The following PIKFYVE variants were observed in gnomAD, a reference collection of about 807,000 sequenced individuals.
The protein encoded by PIKFYVE is phosphoinositide kinase, FYVE-type zinc finger containing.
PIKFYVE carries 122 observed loss-of-function variants against 257.9 expected under a neutral mutation model. The observed-to-expected ratio is 0.47, with a 90% CI of 0.41 to 0.55. The LOEUF is 0.55. Among genes scored for constraint, PIKFYVE ranks in the 20% least tolerant of loss-of-function variants. PIKFYVE has a pLI of 0.00. For missense variants in PIKFYVE, 2,160 were observed against 2,536.6 expected (o/e 0.85, Z 3.19); for synonymous variants, 892 against 868.9 (o/e 1.03, Z -0.47).
chr2:208,330,137 A>G (rs1423234108), intron 22 of PIKFYVE, among the ~76,000 whole-genome samples: 2 of 152,110 alleles, frequency 1.3e-5, no homozygotes, highest in African/African-American at 4.8e-5. Flanking sequence ...TAATTACCCT[A>G]CCATCAACAT....
intron 31 of PIKFYVE, among the ~76,000 whole-genome samples, chr2:208,341,964 C>T (rs997194569): frequency 7.3e-5 from 9 of 122,836 alleles, no homozygotes; most frequent in East Asian, 2.4e-4. Flanking sequence ...TTTTTTTTTT[C>T]GCCATTGTAT....
At chr2:208,274,762 TC>T (rs1318156169) in intron 3 of PIKFYVE, among the ~76,000 whole-genome samples, 1 of 152,128 alleles carries the variant, frequency 6.6e-6, no homozygotes, top group Non-Finnish European at 1.5e-5. Flanking sequence ...CCAGATAATC[TC>T]TATTTTAACT....
Position 208,314,421 on chromosome 2 carries a change from GC to G in PIKFYVE, c.1825del (p.Leu609PhefsTer8). The part of the protein sequence containing the change: ...NGEKQAMERL[L>X]SANHNHMMAL... ...GGGAGAAACAAGCCATGGAGAGGTT[GC>G]TGTAAGGCAATGAAATTTTTAATTT... On this transcript the variant is annotated frameshift_variant and splice_region_variant, in exon 14 of 42. Transcript: ENST00000264380. LOFTEE classifies it high-confidence loss of function. 2 of 1,613,700 alleles carry G rather than the reference GC, an allele frequency of 1.2e-6. No homozygotes were observed. Among genetic ancestry groups the G allele is most frequent in the Non-Finnish European group, 1.7e-6 (2 of 1,179,810 alleles).
At chr2:208,276,112 T>G (rs556476168) in intron 3 of PIKFYVE, among the ~76,000 whole-genome samples, 3 of 152,310 alleles carry the variant, frequency 2.0e-5, no homozygotes, top group African/African-American at 7.2e-5. Context: ...TCTGGCAGTT[T>G]TAATTTGCTT....
At chr2:208,271,396 T>G in intron 1 of PIKFYVE, 115 bp from the exon 2 acceptor site, 12 of 997,084 alleles carry the variant, frequency 1.2e-5, no homozygotes, top group Non-Finnish European at 1.8e-5. Flanking sequence ...ACTGTTTGTT[T>G]TCATAGTCTG....
intron 12 of PIKFYVE, among the ~76,000 whole-genome samples, chr2:208,310,527 A>G (rs1694826513): frequency 6.6e-6 from 1 of 152,208 alleles, no homozygotes; most frequent in African/African-American, 2.4e-5. Context: ...ATTCTGAACT[A>G]TTCTTGGAAA....
Position 208,315,255 on chromosome 2 carries a change from C to T in PIKFYVE, c.1889C>T (p.Ser630Leu). The T allele has an allele frequency of 6.2e-7, 1 of 1,614,110 alleles. No individual in the cohort carries two copies. ...LQQLLHSDSL[S>L]SSWRDIIVSL... Reference sequence around the variant, plus strand: ...CAGTTGCTCCATAGTGACTCACTGTCATCATCTTGGAGGGACATCATCGTG... The same window carrying T: ...CAGTTGCTCCATAGTGACTCACTGTTATCATCTTGGAGGGACATCATCGTG... Residue 630 changes from serine (S) to leucine (L), a missense_variant, in exon 15 of 42, where the codon TCA becomes TTA. Ser to Leu is a moderately radical substitution (Grantham distance 145). This residue lies in a region of PIKFYVE where 346 missense variants were observed against 365.6 expected (regional missense o/e 0.95). Transcript: ENST00000264380.
intron 7 of PIKFYVE, among the ~76,000 whole-genome samples, chr2:208,291,406 T>C (rs1692300285): frequency 6.6e-6 from 1 of 152,130 alleles, no homozygotes; most frequent in African/African-American, 2.4e-5. Flanking sequence ...GTTACTGTTT[T>C]GTTGAGGATA....
At position 208,342,794 on chromosome 2, in the gene PIKFYVE, C is replaced by CTTTT. The variant is rs35986928; in HGVS notation, c.5027+160_5027+163dup. 7.1e-3 allele frequency: 2,686 copies of CTTTT among 377,590 alleles called. 7 individuals carry two copies. Among genetic ancestry groups the CTTTT allele is most frequent in the South Asian group, 0.013 (543 of 41,060 alleles). 23.4% of individuals were successfully genotyped at this position (377,590 alleles called of 1,614,324 possible). On this transcript the variant is annotated intron_variant, in intron 32 of 41. Transcript: ENST00000264380. The stretch of plus-strand genomic sequence containing the variant: ...TGTTCTTTAGTCGTGATAGCTTGTT[C>CTTTT]TTTTTTTTTTTTTTTTTTGAGACAG...
rs1304498209 is a variant in PIKFYVE at position 208,356,497 on chromosome 2, A to T, written c.*1192A>T. On this transcript the variant is annotated 3_prime_UTR_variant, in exon 42 of 42. Transcript: ENST00000264380. Reference sequence around the variant, plus strand: ...ACGAAACCCCATCTCTACTAAAAAGACAAAAAATTAGCTGGGCATGGTGGC... The same window carrying T: ...ACGAAACCCCATCTCTACTAAAAAGTCAAAAAATTAGCTGGGCATGGTGGC... 1 of 152,250 alleles carries T rather than the reference A, an allele frequency of 6.6e-6. No homozygotes were observed. Among genetic ancestry groups the T allele is most frequent in the Non-Finnish European group, 1.5e-5 (1 of 68,058 alleles). 9.4% of individuals were successfully genotyped at this position (152,250 alleles called of 1,614,324 possible). A position where few individuals can be genotyped will look rare whatever the true frequency, so the allele number is the denominator to read the frequency against.
intron 12 of PIKFYVE, among the ~76,000 whole-genome samples, chr2:208,308,509 A>T (rs1694605614): frequency 6.6e-6 from 1 of 152,102 alleles, no homozygotes; most frequent in African/African-American, 2.4e-5. Context: ...TGTAGTCATC[A>T]TGCTGTACAG....
At chr2:208,317,991 C>T (rs540961086) in intron 16 of PIKFYVE, 50 bp downstream of exon 16, 8 of 1,544,880 alleles carry the variant, frequency 5.2e-6, no homozygotes, top group Admixed American at 5.0e-5. Context: ...TGGCTGTGTG[C>T]TTAGGTAACA....
rs760879005 is a variant in PIKFYVE, at chr2:208,342,658, C to T, written c.5027+9C>T. The T allele has an allele frequency of 6.3e-7, 1 of 1,589,256 alleles. No individual in the cohort carries two copies. Among genetic ancestry groups the T allele is most frequent in the Non-Finnish European group, 8.6e-7 (1 of 1,157,472 alleles). On this transcript the variant is annotated intron_variant, in intron 32 of 41. Coordinates refer to ENST00000264380, the MANE Select transcript of PIKFYVE (RefSeq NM_015040.4). ...ATTGCTTTTGCTCTCAGGTATTATT[C>T]ATGGGACTTTGACTTATGATGATAT...
rs971803903 is a variant in PIKFYVE at position 208,356,037 on chromosome 2, A to C, written c.*732A>C. ...AAATTTTTGTGCAATTCATATATTA[A>C]ATTGCACTTACTTGCATACGCTCAT... On this transcript the variant is annotated 3_prime_UTR_variant, in exon 42 of 42. Coordinates refer to ENST00000264380, the MANE Select transcript of PIKFYVE (RefSeq NM_015040.4). 3 of 152,478 alleles carry C rather than the reference A, an allele frequency of 2.0e-5. No homozygotes were observed. Among genetic ancestry groups the C allele is most frequent in the African/African-American group, 7.2e-5 (3 of 41,456 alleles). 9.4% of individuals were successfully genotyped at this position (152,478 alleles called of 1,614,324 possible). A position where few individuals can be genotyped will look rare whatever the true frequency, so the allele number is the denominator to read the frequency against.
rs116711603 is a variant in PIKFYVE, at chr2:208,307,702, T to A, written c.1636+2689T>A. On this transcript the variant is annotated intron_variant, in intron 12 of 41. Coordinates refer to ENST00000264380, the MANE Select transcript of PIKFYVE (RefSeq NM_015040.4). ...TTGGTGGTGACTGGGCCACCAGCATTGGTTAAGCAAACTAAGTCGTTCCAA... is the reference window on the plus strand; with the variant it reads ...TTGGTGGTGACTGGGCCACCAGCATAGGTTAAGCAAACTAAGTCGTTCCAA... 8.4e-3 allele frequency among the ~76,000 whole-genome samples: 1,286 copies of A among 152,288 alleles called. 25 individuals are homozygous for A. The highest frequency in any genetic ancestry group is 0.029 in the African/African-American group (1,206 of 41,552).
At chr2:208,303,696 C>T (rs1458720517) in intron 10 of PIKFYVE, among the ~76,000 whole-genome samples, 2 of 152,106 alleles carry the variant, frequency 1.3e-5, no homozygotes, top group Non-Finnish European at 2.9e-5. Flanking sequence ...GCAGTTTAAA[C>T]CCTTGTTCAA....
At chr2:208,293,169 C>T (rs1318321442) in intron 7 of PIKFYVE, among the ~76,000 whole-genome samples, 1 of 151,078 alleles carries the variant, frequency 6.6e-6, no homozygotes, top group Non-Finnish European at 1.5e-5. Context: ...TATACTACTT[C>T]ACAGGTAATG....
chr2:208,302,664 ATTTAAC>A (rs1254286591), intron 10 of PIKFYVE: 4 of 346,130 alleles, frequency 1.2e-5, no homozygotes, highest in South Asian at 5.1e-5. Context: ...GTTGCTTATC[ATTTAAC>A]TTTAATGGTT....
Position 208,329,829 on chromosome 2 carries a change from G to T in PIKFYVE, c.3720-13G>T, listed in dbSNP as rs781027017. 1 of 1,610,202 alleles carries T rather than the reference G, an allele frequency of 6.2e-7. No homozygotes were observed. Among genetic ancestry groups the T allele is most frequent in the Non-Finnish European group, 8.5e-7 (1 of 1,177,488 alleles). On this transcript the variant is annotated splice_polypyrimidine_tract_variant and intron_variant, in intron 21 of 41. Transcript: ENST00000264380. The stretch of plus-strand genomic sequence containing the variant: ...GTAATTCTTATGTTTCTAAGAGGTG[G>T]TCTCTTCTTTAGGATTGTAACAATG...
Sources: gnomAD v4.1 joint callset for allele counts (sites outside exome capture counted in the v4.1 genomes callset) on GRCh38, gnomAD v4.1.1 for gene constraint, gnomAD v4.1.1 regional missense constraint, MANE v1.5 for transcripts, NCBI Gene and HGNC (gene_info 2026-07-23, HGNC 2026-07-21) for gene names.